The following ADAMTSL1 variants were observed in gnomAD, a reference collection of about 807,000 sequenced individuals.
ADAMTSL1 encodes the protein ADAMTS-like protein 1.
A neutral mutation model predicts 201.8 loss-of-function variants in ADAMTSL1; 126 were observed. The ratio of observed to expected loss-of-function variants is 0.62; its 90% confidence interval spans 0.54 to 0.72. The LOEUF (loss-of-function observed/expected upper bound fraction) is 0.72. Among genes scored for constraint, ADAMTSL1 ranks in the 30% least tolerant of loss-of-function variants. The probability of loss-of-function intolerance (pLI) is 0.00; values close to 1 mark genes in which losing one functional copy is unlikely to be tolerated. For synonymous variants in ADAMTSL1, 1,121 were observed against 903.4 expected, an observed-to-expected ratio of 1.24 and a Z score of -4.32; for missense variants, 2,679 against 2,277.8, an observed-to-expected ratio of 1.18 and a Z score of -3.59.
In ADAMTSL1 at chr9:18,597,266, G is replaced by A. The variant is rs564009908; in HGVS notation, c.474+23000G>A. ...CATTTCCTTCAGGCTGTGAAACAGAGCCTGTTGATGTGAGCTAAATTTTGC... is the reference window on the plus strand; with the variant it reads ...CATTTCCTTCAGGCTGTGAAACAGAACCTGTTGATGTGAGCTAAATTTTGC... On this transcript the variant is annotated intron_variant, in intron 4 of 28. Coordinates refer to ENST00000380548, the MANE Select transcript of ADAMTSL1 (RefSeq NM_001040272.6). Among the ~76,000 whole-genome samples, 71 of 152,280 alleles carry A rather than the reference G, an allele frequency of 4.7e-4. 2 individuals carry two copies. Among genetic ancestry groups the A allele is most frequent in the African/African-American group, 1.7e-3 (69 of 41,566 alleles).
At chr9:18,198,493 A>G (rs1339408378) in intron 2 of ADAMTSL1, among the ~76,000 whole-genome samples, 4 of 149,790 alleles carry the variant, frequency 2.7e-5, no homozygotes, top group African/African-American at 4.9e-5. Context: ...ATGCAGCCAA[A>G]AAACACATGA....
chr9:18,870,348 T>C (rs1436133324), intron 23 of ADAMTSL1, among the ~76,000 whole-genome samples: 1 of 152,194 alleles, frequency 6.6e-6, no homozygotes, highest in Non-Finnish European at 1.5e-5. Flanking sequence ...TATGTTATGT[T>C]CCTCTGAAGA....
At chr9:17,927,231 T>A (rs1168356196) in intron 1 of ADAMTSL1, among the ~76,000 whole-genome samples, 1 of 152,196 alleles carries the variant, frequency 6.6e-6, no homozygotes, top group Non-Finnish European at 1.5e-5. Context: ...GTAGCATATA[T>A]CAGAATTTCC....
chr9:18,572,209 T>A (rs1437372683), intron 3 of ADAMTSL1, among the ~76,000 whole-genome samples: 4 of 151,102 alleles, frequency 2.6e-5, no homozygotes, highest in East Asian at 3.9e-4. Flanking sequence ...AAAAAAAAAA[T>A]AAAGTTAATT....
intron 2 of ADAMTSL1, among the ~76,000 whole-genome samples, chr9:18,247,157 T>C (rs549480263): frequency 6.6e-6 from 1 of 152,150 alleles, no homozygotes; most frequent in Non-Finnish European, 1.5e-5. Flanking sequence ...AGGCATGAGA[T>C]GTATAGCATT....
At chr9:18,718,283 A>G (rs1833093292) in intron 14 of ADAMTSL1, 2 of 751,238 alleles carry the variant, frequency 2.7e-6, no homozygotes, top group East Asian at 5.1e-5. Flanking sequence ...CTTTGATGGA[A>G]TAAACTAATG....
chr9:18,773,866 G>A (rs1431659347), intron 17 of ADAMTSL1, among the ~76,000 whole-genome samples: 1 of 152,086 alleles, frequency 6.6e-6, no homozygotes, highest in Non-Finnish European at 1.5e-5. Flanking sequence ...CTTGGATTTA[G>A]CGCTGTCATT....
intron 2 of ADAMTSL1, among the ~76,000 whole-genome samples, chr9:18,246,670 A>G (rs1403342418): frequency 6.6e-6 from 1 of 152,214 alleles, no homozygotes; most frequent in Non-Finnish European, 1.5e-5. Context: ...ACTCACCAGA[A>G]ATTTCATAGT....
rs1160684291 is a variant in ADAMTSL1 at position 18,853,193 on chromosome 9, A to T, written c.4249+23216A>T. Among the ~76,000 whole-genome samples, 6 of 152,214 alleles carry T rather than the reference A, an allele frequency of 3.9e-5. No homozygotes were observed. The East Asian group carries it at 1.2e-3, about 29-fold the overall frequency. ...ATTAGACAGGCCAAGACAGGAACAT[A>T]GGTGAGAATTAGACATCTCTCCATG... is the stretch of plus-strand genomic sequence containing the variant. On this transcript the variant is annotated intron_variant, in intron 23 of 28. Coordinates refer to ENST00000380548, the MANE Select transcript of ADAMTSL1 (RefSeq NM_001040272.6).
chr9:18,729,298 C>T (rs1233060720), intron 15 of ADAMTSL1, among the ~76,000 whole-genome samples: 1 of 152,130 alleles, frequency 6.6e-6, no homozygotes, highest in East Asian at 1.9e-4. Flanking sequence ...TGAAGCTTTT[C>T]AACAAAGAAG....
rs148883013 is a variant in ADAMTSL1 at position 18,334,308 on chromosome 9, C to G, written c.207+170327C>G. ...TCTATGTAAGCTTTTGTTGGAAAAC[C>G]CTAAACAGAGAGATGGCTTTCAAGC... On this transcript the variant is annotated intron_variant, in intron 2 of 29. Coordinates refer to the ADAMTSL1 transcript ENST00000680146. 3.8e-3 allele frequency among the ~76,000 whole-genome samples: 577 copies of G among 152,150 alleles called. 3 individuals carry two copies. Among genetic ancestry groups the G allele is most frequent in the African/African-American group, 0.013 (532 of 41,528 alleles).
At chr9:18,715,164 T>C (rs1351040453) in intron 14 of ADAMTSL1, among the ~76,000 whole-genome samples, 4 of 147,712 alleles carry the variant, frequency 2.7e-5, no homozygotes, top group African/African-American at 5.0e-5. Context: ...AGCATTCCCT[T>C]TGAAAACTGG....
chr9:18,843,825 A>T (rs566537921), intron 23 of ADAMTSL1, among the ~76,000 whole-genome samples: 1 of 151,106 alleles, frequency 6.6e-6, no homozygotes, highest in Non-Finnish European at 1.5e-5. Context: ...AGTTGATCAC[A>T]TCAGCTCCTG....
At chr9:18,727,817 T>C (rs2779124) in intron 15 of ADAMTSL1, among the ~76,000 whole-genome samples, 125,785 of 152,122 alleles carry the variant, frequency 0.83, 52,287 homozygotes, top group Admixed American at 0.89. Context: ...CAGTGGCTCA[T>C]GCCTGTAATC....
intron 1 of ADAMTSL1, among the ~76,000 whole-genome samples, chr9:17,960,184 C>T (rs1755286): frequency 0.6 from 90,991 of 151,934 alleles, 27,837 homozygotes; most frequent in East Asian, 0.91. Context: ...ATCATGGCTA[C>T]GCACACTTCA....
chr9:18,071,835 G>C (rs1037182845), intron 1 of ADAMTSL1, among the ~76,000 whole-genome samples: 2 of 152,226 alleles, frequency 1.3e-5, no homozygotes, highest in Admixed American at 6.5e-5. Context: ...GGAAGTCACT[G>C]CTGGAGAGAT....
At chr9:18,016,473 C>A (rs1300539708) in intron 1 of ADAMTSL1, among the ~76,000 whole-genome samples, 1 of 152,086 alleles carries the variant, frequency 6.6e-6, no homozygotes, top group South Asian at 2.1e-4. Flanking sequence ...AAGCACAGAA[C>A]AGAGTCCTGT....
chr9:18,821,437 G>T (rs936170216), intron 21 of ADAMTSL1, among the ~76,000 whole-genome samples: 3 of 152,118 alleles, frequency 2.0e-5, no homozygotes, highest in Non-Finnish European at 4.4e-5. Context: ...ACGGAGGATG[G>T]TTGAGAAGGC....
intron 2 of ADAMTSL1, among the ~76,000 whole-genome samples, chr9:18,230,477 C>G (rs1830608113): frequency 1.3e-5 from 2 of 152,074 alleles, no homozygotes; most frequent in Admixed American, 6.6e-5. Flanking sequence ...GGGAAATGCC[C>G]TCATGTGGCT....
Sources: allele counts gnomAD v4.1 joint callset (sites outside exome capture counted in the v4.1 genomes callset), GRCh38; gene constraint gnomAD v4.1.1; transcripts MANE v1.5; gene names NCBI Gene and HGNC (gene_info 2026-07-23, HGNC 2026-07-21).